KAZN: variants seen among roughly 807,000 people sequenced by gnomAD.
KAZN encodes the protein kazrin, periplakin interacting protein.
In KAZN, 40 loss-of-function variants were observed where a neutral mutation model predicts 87.4. The ratio of observed to expected loss-of-function variants is 0.46; its 90% confidence interval spans 0.36 to 0.60. KAZN has a LOEUF of 0.60. KAZN is among the 20% of genes least tolerant of loss of function. The pLI is 0.00. For synonymous variants in KAZN, 466 were observed against 458.3 expected (o/e 1.02, Z -0.22); for missense variants, 898 against 1,073.9 (o/e 0.84, Z 2.29).
chr1:14,329,234 G>T (rs1656672226), intron 2 of KAZN, among the ~76,000 whole-genome samples: 1 of 152,092 alleles, frequency 6.6e-6, no homozygotes, highest in African/African-American at 2.4e-5. Context: ...TAACCTACTA[G>T]ATTAGCGGCT....
At chr1:14,380,360 A>G (rs1028833298) in intron 2 of KAZN, among the ~76,000 whole-genome samples, 5 of 152,238 alleles carry the variant, frequency 3.3e-5, no homozygotes, top group Admixed American at 2.0e-4. Context: ...TGAACTCAAC[A>G]AATGAACTAA....
At chr1:14,816,301 G>A (rs754194035) in intron 1 of KAZN, among the ~76,000 whole-genome samples, 25 of 152,190 alleles carry the variant, frequency 1.6e-4, no homozygotes, top group Middle Eastern at 3.4e-3. Context: ...CCTCTGCTCC[G>A]AGTCTCACAA....
intron 1 of KAZN, among the ~76,000 whole-genome samples, chr1:14,888,507 G>T (rs1175843365): frequency 6.6e-6 from 1 of 152,126 alleles, no homozygotes; most frequent in Non-Finnish European, 1.5e-5. Context: ...ACACACACTG[G>T]AAGGGGGCCA....
intron 1 of KAZN, among the ~76,000 whole-genome samples, chr1:14,885,511 TTTTG>T (rs1472584048): frequency 4.6e-5 from 7 of 152,272 alleles, no homozygotes; most frequent in African/African-American, 1.2e-4. Flanking sequence ...CCTTTTTTTA[TTTTG>T]TTTGTTTGTT....
chr1:14,029,832 A>C (rs1031057537), intron 1 of KAZN, among the ~76,000 whole-genome samples: 1 of 152,042 alleles, frequency 6.6e-6, no homozygotes, highest in African/African-American at 2.4e-5. Flanking sequence ...GCATTGATCT[A>C]TATCTCTGTT....
chr1:13,922,363 T>C (rs1481914272), intron 1 of KAZN, among the ~76,000 whole-genome samples: 1 of 152,186 alleles, frequency 6.6e-6, no homozygotes, highest in Non-Finnish European at 1.5e-5. Flanking sequence ...GCCTCTAACA[T>C]AGCACTTCAT....
At chr1:15,107,741 G>A (rs1451635293) in intron 13 of KAZN, among the ~76,000 whole-genome samples, 1 of 152,084 alleles carries the variant, frequency 6.6e-6, no homozygotes, top group East Asian at 1.9e-4. Flanking sequence ...CCTCTGCAGG[G>A]CAATGGCTGC....
At chr1:14,879,123 C>T (rs529397235) in intron 1 of KAZN, among the ~76,000 whole-genome samples, 2 of 152,332 alleles carry the variant, frequency 1.3e-5, no homozygotes, top group Admixed American at 1.3e-4. Context: ...CATTTGAGCT[C>T]TGGAGTCAGG....
intron 1 of KAZN, among the ~76,000 whole-genome samples, chr1:14,745,392 G>T (rs1204564754): frequency 6.6e-6 from 1 of 152,098 alleles, no homozygotes; most frequent in Non-Finnish European, 1.5e-5. Context: ...AGAATCCCCT[G>T]GCACAATCGT....
intron 2 of KAZN, among the ~76,000 whole-genome samples, chr1:14,308,180 C>T (rs1034659250): frequency 1.3e-5 from 2 of 152,144 alleles, no homozygotes; most frequent in African/African-American, 2.4e-5. Flanking sequence ...TTTCAGGTTG[C>T]ATCCTGAACC....
chr1:14,988,633 C>T (rs1213819416), intron 2 of KAZN, among the ~76,000 whole-genome samples: 2 of 152,224 alleles, frequency 1.3e-5, no homozygotes, highest in African/African-American at 4.8e-5. Context: ...AAAGTCCGTC[C>T]AGCCAGCTGT....
intron 2 of KAZN, among the ~76,000 whole-genome samples, chr1:14,509,499 G>C (rs1400115070): frequency 6.6e-6 from 1 of 152,210 alleles, no homozygotes; most frequent in Non-Finnish European, 1.5e-5. Flanking sequence ...AGCCTCCTTT[G>C]ACAATGTTCT....
intron 1 of KAZN, among the ~76,000 whole-genome samples, chr1:14,071,949 A>G (rs1643263503): frequency 6.6e-6 from 1 of 152,150 alleles, no homozygotes; most frequent in South Asian, 2.1e-4. Context: ...GTTTTATCTC[A>G]TCAGTCATGT....
At chr1:14,048,644 T>C (rs1224517272) in intron 1 of KAZN, among the ~76,000 whole-genome samples, 1 of 152,110 alleles carries the variant, frequency 6.6e-6, no homozygotes, top group Non-Finnish European at 1.5e-5. Flanking sequence ...CCTTAGGTGA[T>C]CCCACCCACC....
chr1:13,999,394 A>C lies in KAZN; in HGVS notation c.91+105638A>C, dbSNP rs576090009. 1.7e-3 allele frequency among the ~76,000 whole-genome samples: 265 copies of C among 151,896 alleles called. 4 individuals carry two copies. Among genetic ancestry groups the C allele is most frequent in the South Asian group, 0.014 (69 of 4,796 alleles). On this transcript the variant is annotated intron_variant, in intron 1 of 16. Transcript: ENST00000636203. ...AAAAACAAAAAAACAAACAAAAAAA[A>C]CCACAACTCACTCAAAACCACACAA...
At chr1:15,042,123 T>G (rs1327681612) in intron 3 of KAZN, among the ~76,000 whole-genome samples, 1 of 152,162 alleles carries the variant, frequency 6.6e-6, no homozygotes, top group African/African-American at 2.4e-5. Flanking sequence ...CCTTGGTCTG[T>G]TCGTGAGTAG....
At chr1:13,909,249 C>T (rs1055378071) in intron 1 of KAZN, among the ~76,000 whole-genome samples, 1 of 152,200 alleles carries the variant, frequency 6.6e-6, no homozygotes, top group Non-Finnish European at 1.5e-5. Context: ...TCTGCAAGCT[C>T]AGAGTTCAGA....
chr1:15,010,413 C>T (rs149935594), intron 2 of KAZN, among the ~76,000 whole-genome samples: 1,390 of 115,724 alleles, frequency 0.012, 24 homozygotes, highest in African/African-American at 0.043. Context: ...TTTTTTGAGA[C>T]GGAGTCTCGC....
chr1:14,200,430 A>T (rs182125014), intron 2 of KAZN, among the ~76,000 whole-genome samples: 14 of 152,330 alleles, frequency 9.2e-5, no homozygotes, highest in Admixed American at 8.5e-4. Context: ...ACACTTCCCC[A>T]TATGGAAAAA....
Sources: gnomAD v4.1 joint callset for allele counts (sites outside exome capture counted in the v4.1 genomes callset) on GRCh38, gnomAD v4.1.1 for gene constraint, MANE v1.5 for transcripts, NCBI Gene and HGNC (gene_info 2026-07-23, HGNC 2026-07-21) for gene names.